Variants in LAMA3 observed in about 807,000 individuals in gnomAD.
LAMA3 encodes the protein laminin subunit alpha-3.
Under a neutral mutation model 402.0 loss-of-function variants are expected in LAMA3, and 281 were observed. That is an observed-to-expected ratio of 0.70 (90% CI 0.63 to 0.77). LAMA3 has a LOEUF of 0.77. Among genes scored for constraint, LAMA3 ranks in the 30% least tolerant of loss-of-function variants. The pLI, the probability that LAMA3 is intolerant of heterozygous loss-of-function variation, is 0.00. For synonymous variants in LAMA3, 1,431 were observed against 1,558.4 expected, an observed-to-expected ratio of 0.92 and a Z score of 1.93; for missense variants, 3,840 against 4,215.5, an observed-to-expected ratio of 0.91 and a Z score of 2.47.
intron 69 of LAMA3, among the ~76,000 whole-genome samples, chr18:23,944,981 AC>A: frequency 6.6e-6 from 1 of 152,138 alleles, no homozygotes; most frequent in East Asian, 1.9e-4. Flanking sequence ...AAAAATACAA[AC>A]ATTAGCTGGG....
intron 8 of LAMA3, among the ~76,000 whole-genome samples, chr18:23,767,578 C>CTTTTTTTT (rs71163640): frequency 1.6e-5 from 2 of 125,806 alleles, no homozygotes; most frequent in South Asian, 2.5e-4. Context: ...TCTTTCTTTT[C>CTTTTTTTT]TTTTTTTTTT....
intron 1 of LAMA3, among the ~76,000 whole-genome samples, chr18:23,705,692 AT>A (rs1411525509): frequency 3.9e-4 from 60 of 151,994 alleles, no homozygotes; most frequent in Middle Eastern, 6.8e-3. Context: ...TAATTTTTGT[AT>A]TTTTTGTAGA....
At position 23,912,815 on chromosome 18, in the gene LAMA3, A is replaced by C; in HGVS notation, c.7263A>C (p.Gln2421His). The C allele has an allele frequency of 6.2e-7, 1 of 1,614,046 alleles. No individual in the cohort carries two copies. The highest frequency in any genetic ancestry group is 8.5e-7 in the Non-Finnish European group (1 of 1,179,866). ...KGYTSLSLFL[Q>H]RPNSRENGGT... ...ATACATCTCTGTCCTTGTTTCTCCA[A>C]AGGCCCAACTCAAGAGAAAATGGGG... is the stretch of plus-strand genomic sequence containing the variant. The change falls in exon 56 of 75, where the codon CAA becomes CAC. Residue 2421 changes from glutamine to histidine, a missense_variant. Physicochemically the swap from Gln to His is conservative, Grantham distance 24. Transcript: ENST00000313654.
chr18:23,817,829 T>C lies in LAMA3; in HGVS notation c.2147+1342T>C, dbSNP rs144217130. On this transcript the variant is annotated intron_variant, in intron 18 of 74. Transcript: ENST00000313654. ...GTAGGTTTGTTTTCCTGAAGACCATTGAGCCTCCCCATGGGCCAGGGGAGC... is the reference window on the plus strand; with the variant it reads ...GTAGGTTTGTTTTCCTGAAGACCATCGAGCCTCCCCATGGGCCAGGGGAGC... Among the ~76,000 whole-genome samples the C allele has an allele frequency of 7.9e-4, 121 of 152,294 alleles. 2 individuals carry two copies. The East Asian group carries it at 0.02, about 26-fold the overall frequency.
chr18:23,818,897 T>C (rs191388329), intron 18 of LAMA3, among the ~76,000 whole-genome samples: 10 of 152,288 alleles, frequency 6.6e-5, no homozygotes, highest in Admixed American at 3.9e-4. Flanking sequence ...TGTACACTTA[T>C]GTTGTTTCCA....
At chr18:23,934,747 C>T (rs2082263284) in intron 67 of LAMA3, among the ~76,000 whole-genome samples, 1 of 152,108 alleles carries the variant, frequency 6.6e-6, no homozygotes, top group South Asian at 2.1e-4. Context: ...GCAGTTCTGC[C>T]CAAGCTCCCA....
chr18:23,912,631 C>T (rs993443133), intron 55 of LAMA3, 80 bp from the exon 56 acceptor site: 23 of 1,162,908 alleles, frequency 2.0e-5, no homozygotes, highest in South Asian at 3.7e-5. Flanking sequence ...TACATGGCTA[C>T]GAGTCACAAA....
Position 23,799,738 on chromosome 18 carries a change from GGA to G in LAMA3, c.1604-10611_1604-10610del, listed in dbSNP as rs60652911. On this transcript the variant is annotated intron_variant, in intron 12 of 74. Coordinates refer to ENST00000313654, the MANE Select transcript of LAMA3 (RefSeq NM_198129.4). ...CAATCGGAGGTGTGTGTGTACGTAT[GGA>G]GAGAGAGAGAGAGAGATTTATTTTA... is the stretch of plus-strand genomic sequence containing the variant. 4.6e-3 allele frequency among the ~76,000 whole-genome samples: 698 copies of G among 151,462 alleles called. 3 individuals are homozygous for G. Among genetic ancestry groups the G allele is most frequent in the African/African-American group, 0.016 (671 of 41,288 alleles).
intron 62 of LAMA3, among the ~76,000 whole-genome samples, chr18:23,921,795 G>C (rs2081851143): frequency 6.6e-6 from 1 of 152,214 alleles, no homozygotes; most frequent in Admixed American, 6.5e-5. Context: ...GTGGGGGAAT[G>C]TGTGTCACCG....
chr18:23,808,127 G>C (rs1388613865), intron 12 of LAMA3, among the ~76,000 whole-genome samples: 1 of 152,084 alleles, frequency 6.6e-6, no homozygotes, highest in Non-Finnish European at 1.5e-5. Flanking sequence ...TTAGATCTTA[G>C]AGATCAGGGA....
At chr18:23,742,555 A>G (rs547964050) in intron 2 of LAMA3, among the ~76,000 whole-genome samples, 19 of 152,214 alleles carry the variant, frequency 1.2e-4, no homozygotes, top group South Asian at 2.1e-4. Context: ...TTGAATTTAT[A>G]TAGAAGAAAT....
intron 12 of LAMA3, among the ~76,000 whole-genome samples, chr18:23,799,090 G>A (rs1337344258): frequency 1.3e-5 from 2 of 152,220 alleles, no homozygotes; most frequent in African/African-American, 4.8e-5. Flanking sequence ...AGGTACTGTG[G>A]AACAGGACTA....
intron 23 of LAMA3, among the ~76,000 whole-genome samples, chr18:23,830,885 C>T (rs1310745514): frequency 2.6e-5 from 4 of 152,152 alleles, no homozygotes; most frequent in Admixed American, 1.3e-4. Context: ...AGCAAGTCTA[C>T]CTTCCTTCCT....
chr18:23,715,693 C>G (rs2061085506), intron 2 of LAMA3, among the ~76,000 whole-genome samples: 1 of 152,100 alleles, frequency 6.6e-6, no homozygotes, highest in African/African-American at 2.4e-5. Flanking sequence ...ATTATTAGAA[C>G]ATTTTCATAA....
At chr18:23,899,568 C>A in intron 47 of LAMA3, 113 bp downstream of exon 47, 1 of 1,064,820 alleles carries the variant, frequency 9.4e-7, no homozygotes, top group Non-Finnish European at 1.4e-6. Flanking sequence ...ATGGTTTCAG[C>A]GAATATTACT....
At chr18:23,824,823 T>C (rs1345676912) in intron 21 of LAMA3, among the ~76,000 whole-genome samples, 1 of 152,186 alleles carries the variant, frequency 6.6e-6, no homozygotes, top group East Asian at 1.9e-4. Flanking sequence ...AAAAAAGGTC[T>C]CCTAAAGACT....
intron 2 of LAMA3, among the ~76,000 whole-genome samples, chr18:23,721,133 G>T (rs1261786585): frequency 6.6e-6 from 1 of 152,012 alleles, no homozygotes; most frequent in Non-Finnish European, 1.5e-5. Context: ...ACTCCAGCCT[G>T]GGTGACAGAG....
intron 12 of LAMA3, among the ~76,000 whole-genome samples, chr18:23,789,085 AT>A (rs1403487505): frequency 6.6e-6 from 1 of 152,162 alleles, no homozygotes; most frequent in Non-Finnish European, 1.5e-5. Context: ...ATATGAACAG[AT>A]GCTCAACATT....
chr18:23,839,891 G>A lies in LAMA3; in HGVS notation c.3298G>A (p.Val1100Ile), dbSNP rs1234088692. ...PHLPQQSSPSVDVLPGVTLKA... is the reference protein window; with the variant it reads ...PHLPQQSSPSIDVLPGVTLKA... ...CCTGCCCCAGCAGTCGTCACCTTCT[G>A]TTGATGTTCTTCCTGGGGTCACCTT... is the stretch of plus-strand genomic sequence containing the variant. The change falls in exon 27 of 75, where the codon GTT becomes ATT. Residue 1100 changes from valine (V) to isoleucine (I), a missense_variant. This residue lies in a region of LAMA3 where 2,109 missense variants were observed against 2,376.0 expected (regional missense o/e 0.89). Coordinates refer to ENST00000313654, the MANE Select transcript of LAMA3 (RefSeq NM_198129.4). The surrounding 1 kb of genome is among the most constrained non-coding windows in gnomAD (Gnocchi z 4.5). 2.5e-6 allele frequency: 4 copies of A among 1,614,100 alleles called. No individual in the cohort carries two copies. Among genetic ancestry groups the A allele is most frequent in the East Asian group, 2.2e-5 (1 of 44,906 alleles).
Sources: allele counts gnomAD v4.1 joint callset (sites outside exome capture counted in the v4.1 genomes callset), GRCh38; gene constraint gnomAD v4.1.1; regional missense constraint gnomAD v4.1.1; non-coding constraint Gnocchi (gnomAD v3.1); transcripts MANE v1.5; gene names NCBI Gene and HGNC (gene_info 2026-07-23, HGNC 2026-07-21).